RANBP2: variants seen among roughly 807,000 people sequenced by gnomAD.
RANBP2 encodes RAN binding protein 2, also known as E3 SUMO-protein ligase RanBP2.
Under a neutral mutation model 303.6 loss-of-function variants are expected in RANBP2, and 57 were observed. The observed-to-expected ratio is 0.19, with a 90% CI of 0.15 to 0.23. The LOEUF (loss-of-function observed/expected upper bound fraction) is 0.23, where lower values mean the gene tolerates loss of function less well. RANBP2 is among the 10% of genes least tolerant of loss of function. The pLI is 1.00. For synonymous variants in RANBP2, 1,167 were observed against 1,301.5 expected (o/e 0.90, Z 2.23); for missense variants, 3,138 against 3,780.8 (o/e 0.83, Z 4.46).
chr2:108,971,973 C>T, the RANBP2 span, among the ~76,000 whole-genome samples: 4 of 152,174 alleles, frequency 2.6e-5, no homozygotes, highest in Non-Finnish European at 5.9e-5. Flanking sequence ...GGGGAGCTCC[C>T]GTGGCCCGGA....
chr2:109,425,320 A>G, the RANBP2 span, among the ~76,000 whole-genome samples: 1 of 152,256 alleles, frequency 6.6e-6, no homozygotes, highest in Admixed American at 6.5e-5. Flanking sequence ...AAGCTGTAGC[A>G]AGTTATCCAG....
the RANBP2 span, among the ~76,000 whole-genome samples, chr2:108,937,687 ATGTG>A: frequency 6.6e-6 from 1 of 151,084 alleles, no homozygotes; most frequent in Non-Finnish European, 1.5e-5. Context: ...AGTGTATGTG[ATGTG>A]TATGTGTGTG....
the RANBP2 span, among the ~76,000 whole-genome samples, chr2:109,266,849 T>G: frequency 1.3e-5 from 2 of 152,070 alleles, no homozygotes; most frequent in African/African-American, 4.8e-5. Flanking sequence ...CCTCCAAATA[T>G]TCAGAGCTGG....
the RANBP2 span, among the ~76,000 whole-genome samples, chr2:109,069,958 A>T: frequency 1.3e-5 from 2 of 152,240 alleles, no homozygotes; most frequent in Non-Finnish European, 2.9e-5. Context: ...TTCAGAATGT[A>T]ATCAGTGTTC....
the RANBP2 span, among the ~76,000 whole-genome samples, chr2:109,664,669 CCT>C: frequency 6.6e-6 from 1 of 151,928 alleles, no homozygotes; most frequent in African/African-American, 2.4e-5. Context: ...GTGGCTCACA[CCT>C]GTAATCCCAG....
chr2:109,678,460 G>T, the RANBP2 span, among the ~76,000 whole-genome samples: 4 of 152,182 alleles, frequency 2.6e-5, no homozygotes, highest in Non-Finnish European at 5.9e-5. Context: ...CCCTACCAGG[G>T]ATCGCAAAGC....
chr2:108,748,881 A>T (rs780788037), intron 8 of RANBP2, 39 bp from the exon 9 acceptor site: 36 of 1,611,812 alleles, frequency 2.2e-5, no homozygotes, highest in African/African-American at 2.7e-5. Flanking sequence ...ACAATCTGTA[A>T]TTTTAAAGTG....
chr2:109,544,517 G>C, the RANBP2 span: 3 of 985,036 alleles, frequency 3.0e-6, no homozygotes, highest in Non-Finnish European at 3.6e-6. Flanking sequence ...ATATGGGCTT[G>C]GTCCTGATTT....
the RANBP2 span, among the ~76,000 whole-genome samples, chr2:108,822,740 C>G: frequency 6.6e-6 from 1 of 152,058 alleles, no homozygotes; most frequent in Non-Finnish European, 1.5e-5. Flanking sequence ...TGGCAAATAC[C>G]TTGAAACAAA....
At chr2:108,736,312 C>T in intron 6 of RANBP2, 63 bp downstream of exon 6, 1 of 1,611,228 alleles carries the variant, frequency 6.2e-7, no homozygotes. Context: ...GCAGTAAGTT[C>T]ATTGCTCTAA....
chr2:109,155,550 C>G, the RANBP2 span, among the ~76,000 whole-genome samples: 1 of 152,204 alleles, frequency 6.6e-6, no homozygotes, highest in Non-Finnish European at 1.5e-5. Context: ...ATCCGCCTGC[C>G]TCAGCCTCCC....
the RANBP2 span, among the ~76,000 whole-genome samples, chr2:109,337,615 T>C: frequency 4.8e-4 from 73 of 152,204 alleles, no homozygotes; most frequent in African/African-American, 1.1e-3. Flanking sequence ...CCATCCTCCA[T>C]TGGTGGAATA....
chr2:108,820,860 G>C, the RANBP2 span, among the ~76,000 whole-genome samples: 1 of 152,142 alleles, frequency 6.6e-6, no homozygotes, highest in Non-Finnish European at 1.5e-5. Flanking sequence ...AGGTTGAAAT[G>C]AAAGCACACT....
chr2:108,732,456 T>C (rs1333275037), intron 4 of RANBP2, among the ~76,000 whole-genome samples: 1 of 152,210 alleles, frequency 6.6e-6, no homozygotes, highest in African/African-American at 2.4e-5. Context: ...CCTGCAAATA[T>C]TCCAAAGTCT....
the RANBP2 span, among the ~76,000 whole-genome samples, chr2:108,993,699 T>C: frequency 2.0e-5 from 3 of 152,196 alleles, no homozygotes; most frequent in African/African-American, 4.8e-5. Context: ...TTGTACCCTA[T>C]TGGAGAATGA....
chr2:109,234,311 T>C, the RANBP2 span, among the ~76,000 whole-genome samples: 1 of 152,238 alleles, frequency 6.6e-6, no homozygotes, highest in Non-Finnish European at 1.5e-5. Context: ...AGGAAAACTT[T>C]AGGTTAGATG....
chr2:109,389,894 C>T, the RANBP2 span, among the ~76,000 whole-genome samples: 1 of 152,158 alleles, frequency 6.6e-6, no homozygotes, highest in Non-Finnish European at 1.5e-5. Flanking sequence ...CCTGGGAGCT[C>T]TTTGGGTGGA....
At chr2:109,530,883 A>C in the RANBP2 span, among the ~76,000 whole-genome samples, 1 of 152,146 alleles carries the variant, frequency 6.6e-6, no homozygotes, top group African/African-American at 2.4e-5. Context: ...TGGAGTGGCC[A>C]CTGCACATCT....
the RANBP2 span, among the ~76,000 whole-genome samples, chr2:109,474,702 G>A: frequency 0.014 from 2,056 of 152,294 alleles, 35 homozygotes; most frequent in South Asian, 0.078. Flanking sequence ...CCAAAGCATC[G>A]CAGATACTTC....
Sources: allele counts gnomAD v4.1 joint callset (sites outside exome capture counted in the v4.1 genomes callset), GRCh38; gene constraint gnomAD v4.1.1; transcripts MANE v1.5; gene names NCBI Gene and HGNC (gene_info 2026-07-23, HGNC 2026-07-21).